The following INTS8 variants were observed in gnomAD, a reference collection of about 807,000 sequenced individuals.
The protein encoded by INTS8 is integrator complex subunit 8.
In INTS8, 47 loss-of-function variants were observed where a neutral mutation model predicts 138.9. The ratio of observed to expected loss-of-function variants is 0.34; its 90% CI spans 0.27 to 0.43. INTS8 has a LOEUF of 0.43. INTS8 is among the 20% of genes least tolerant of loss of function. The pLI, the probability that INTS8 is intolerant of heterozygous loss-of-function variation, is 1.00. For missense variants in INTS8, 996 were observed against 1,173.0 expected (o/e 0.85, Z 2.20); for synonymous variants, 392 against 400.9 (o/e 0.98, Z 0.27).
chr8:94,875,702 C>G (rs964972430), intron 23 of INTS8, among the ~76,000 whole-genome samples: 34 of 152,106 alleles, frequency 2.2e-4, no homozygotes, highest in Non-Finnish European at 4.0e-4. Context: ...AGCAGATTGG[C>G]AGCCTAAATT....
At chr8:94,826,367 C>G (rs1435739032) in intron 2 of INTS8, among the ~76,000 whole-genome samples, 1 of 152,100 alleles carries the variant, frequency 6.6e-6, no homozygotes, top group African/African-American at 2.4e-5. Flanking sequence ...CTGCAAGCTC[C>G]GCCTCCTGGG....
chr8:94,867,172 C>G lies in INTS8; in HGVS notation c.2328C>G (p.Leu776=), dbSNP rs550295283. ...EPLVLTIILS[L]FVKLHNVRED... is the part of the protein sequence containing the mutation. ...TCGTTTTGACTATTATTTTATCACTCTTTGTGAAACTTCACAATGTTCGGG... is the reference window on the plus strand; with the variant it reads ...TCGTTTTGACTATTATTTTATCACTGTTTGTGAAACTTCACAATGTTCGGG... The change falls in exon 19 of 27, where the codon CTC becomes CTG. Residue 776 remains leucine (L), a synonymous_variant. Transcript: ENST00000523731. 4 of 1,610,218 alleles carry G rather than the reference C, an allele frequency of 2.5e-6. No individual in the cohort carries two copies. The highest frequency in any genetic ancestry group is 1.7e-5 in the Admixed American group (1 of 59,696).
chr8:94,836,275 C>G (rs1196394176), intron 6 of INTS8, among the ~76,000 whole-genome samples: 1 of 152,076 alleles, frequency 6.6e-6, no homozygotes, highest in East Asian at 1.9e-4. Flanking sequence ...TAGTCAGATT[C>G]TTTAGCCTTT....
intron 14 of INTS8, 149 bp downstream of exon 14, chr8:94,854,064 C>G: frequency 2.0e-6 from 1 of 502,592 alleles, no homozygotes; most frequent in African/African-American, 2.0e-5. Flanking sequence ...GTGAAACCTT[C>G]TCTCTACTAA....
At chr8:94,858,379 G>A (rs1322386505) in intron 15 of INTS8, among the ~76,000 whole-genome samples, 3 of 152,186 alleles carry the variant, frequency 2.0e-5, no homozygotes, top group Non-Finnish European at 4.4e-5. Context: ...ATGCCTTTGA[G>A]CTTTAACACA....
chr8:94,849,826 T>C, intron 11 of INTS8, 90 bp from the exon 12 acceptor site: 5 of 954,986 alleles, frequency 5.2e-6, no homozygotes, highest in Non-Finnish European at 7.7e-6. Context: ...GGTGGCTTTT[T>C]AAATGGCTTA....
Position 94,840,502 on chromosome 8 carries a change from AT to A in INTS8, c.1018-986del, listed in dbSNP as rs1317488313. Among the ~76,000 whole-genome samples the A allele has an allele frequency of 1.2e-4, 18 of 150,846 alleles. No individual in the cohort carries two copies. In the East Asian group the frequency reaches 3.3e-3, roughly 28 times the overall value. ...GTTCACAGATAATATATTTTAAATC[AT>A]TTAAATTTATTATAATCACTTGTTA... On this transcript the variant is annotated intron_variant, in intron 8 of 26. Coordinates refer to ENST00000523731, the MANE Select transcript of INTS8 (RefSeq NM_017864.4).
chr8:94,849,643 C>G, intron 11 of INTS8, 111 bp downstream of exon 11: 1 of 683,780 alleles, frequency 1.5e-6, no homozygotes, highest in Non-Finnish European at 2.4e-6. Flanking sequence ...TTTAACCAGG[C>G]AGTAACTGGT....
At chr8:94,849,665 C>G in intron 11 of INTS8, 133 bp downstream of exon 11, 1 of 625,906 alleles carries the variant, frequency 1.6e-6, no homozygotes, top group Non-Finnish European at 2.7e-6. Context: ...TTTGAGAACC[C>G]ATTAAGTTCA....
Position 94,834,019 on chromosome 8 carries a change from G to A in INTS8, c.753+1845G>A, listed in dbSNP as rs571333462. On this transcript the variant is annotated intron_variant, in intron 6 of 26. Transcript: ENST00000523731. ...ACTCCCGACTTCCAGTGATCTGCCC[G>A]CCTCGGCCTCCCAAAGTGCTGGGAT... 6.6e-5 allele frequency among the ~76,000 whole-genome samples: 10 copies of A among 151,694 alleles called. No homozygotes were observed. In the South Asian group the frequency reaches 1.9e-3, roughly 29 times the overall value.
chr8:94,838,578 A>G lies in INTS8; in HGVS notation c.977A>G (p.Tyr326Cys). The G allele has an allele frequency of 1.9e-6, 3 of 1,613,028 alleles. No homozygotes were observed. The highest frequency in any genetic ancestry group is 2.2e-5 in the South Asian group (2 of 91,032). ...AGTACATCTCAACAGTTGACTCCATATAGTCAAGTCCATATTTGTTTGAGA... is the reference window on the plus strand; with the variant it reads ...AGTACATCTCAACAGTTGACTCCATGTAGTCAAGTCCATATTTGTTTGAGA... The part of the protein sequence containing the change: ...SDSTSQQLTP[Y>C]SQVHICLRSG... Residue 326 changes from tyrosine to cysteine, a missense_variant, in exon 8 of 27, where the codon TAT becomes TGT. Transcript: ENST00000523731.
Position 94,849,928 on chromosome 8 carries a change from G to C in INTS8, c.1344G>C (p.Leu448=). 1 of 1,609,796 alleles carries C rather than the reference G, an allele frequency of 6.2e-7. No individual in the cohort carries two copies. Among genetic ancestry groups the C allele is most frequent in the Non-Finnish European group, 8.5e-7 (1 of 1,177,604 alleles). Reference sequence around the variant, plus strand: ...CTTACTGATCTAGGAATGTGTGTCTGGGGTTGGAAGATCTGCAGTATGTTT... The same window carrying C: ...CTTACTGATCTAGGAATGTGTGTCTCGGGTTGGAAGATCTGCAGTATGTTT... ...NMAAFLKNVC[L]GLEDLQYVFM... The change falls in exon 12 of 27, where the codon CTG becomes CTC. Residue 448 remains leucine, a synonymous_variant. Transcript: ENST00000523731.
At chr8:94,850,193 A>T (rs1437429234) in intron 12 of INTS8, 102 bp downstream of exon 12, 5 of 767,838 alleles carry the variant, frequency 6.5e-6, no homozygotes, top group Non-Finnish European at 1.0e-5. Flanking sequence ...TTTAATTAAC[A>T]CTTGTGTTGG....
chr8:94,835,735 G>A (rs890699949), intron 6 of INTS8, among the ~76,000 whole-genome samples: 1 of 152,108 alleles, frequency 6.6e-6, no homozygotes, highest in Admixed American at 6.6e-5. Context: ...AAATAGCTGG[G>A]ATTACAGGTG....
At chr8:94,862,320 C>T (rs1455190241) in intron 16 of INTS8, among the ~76,000 whole-genome samples, 2 of 152,174 alleles carry the variant, frequency 1.3e-5, no homozygotes, top group Non-Finnish European at 2.9e-5. Flanking sequence ...ATTATGGACA[C>T]CAGTAATTTC....
chr8:94,837,488 G>T (rs1323572136), intron 7 of INTS8, among the ~76,000 whole-genome samples: 1 of 151,982 alleles, frequency 6.6e-6, no homozygotes, highest in Non-Finnish European at 1.5e-5. Context: ...TACTTTGCTA[G>T]GAAATTAATC....
In INTS8 at chr8:94,832,128, G is replaced by A. The variant is rs1164781446; in HGVS notation, c.707G>A (p.Ser236Asn). Residue 236 changes from serine to asparagine, a missense_variant, in exon 6 of 27, where the codon AGT becomes AAT. Coordinates refer to ENST00000523731, the MANE Select transcript of INTS8 (RefSeq NM_017864.4). ...GGCATGGTAAATGGAGAAACTGAGA[G>A]TTCTACTGCTGGATTGAAAGTCAAA... ...EPGMVNGETE[S>N]STAGLKVKTE... 2 of 1,613,508 alleles carry A rather than the reference G, an allele frequency of 1.2e-6. No individual in the cohort carries two copies. Among genetic ancestry groups the A allele is most frequent in the Admixed American group, 3.3e-5 (2 of 59,848 alleles).
intron 8 of INTS8, among the ~76,000 whole-genome samples, chr8:94,840,846 C>T (rs117839857): frequency 0.048 from 7,329 of 151,628 alleles, 236 homozygotes; most frequent in Middle Eastern, 0.065. Flanking sequence ...CATGAGCCAC[C>T]GTGTCTGGCC....
At chr8:94,854,486 T>C (rs1384298541) in intron 14 of INTS8, among the ~76,000 whole-genome samples, 1 of 152,220 alleles carries the variant, frequency 6.6e-6, no homozygotes, top group Non-Finnish European at 1.5e-5. Context: ...TAGTAAAGAT[T>C]GTGTACCAAG....
Sources: gnomAD v4.1 joint callset for allele counts (sites outside exome capture counted in the v4.1 genomes callset) on GRCh38, gnomAD v4.1.1 for gene constraint, MANE v1.5 for transcripts, NCBI Gene and HGNC (gene_info 2026-07-23, HGNC 2026-07-21) for gene names.